ZNF609: variants seen among roughly 807,000 people sequenced by gnomAD.
ZNF609 encodes the protein zinc finger protein 609.
A neutral mutation model predicts 109.5 loss-of-function variants in ZNF609; 11 were observed. That is an observed-to-expected ratio of 0.10 (90% CI 0.06 to 0.17). ZNF609 has a LOEUF of 0.17. ZNF609 is among the 10% of genes least tolerant of loss of function. The probability of loss-of-function intolerance (pLI) is 1.00; values close to 1 mark genes in which losing one functional copy is unlikely to be tolerated. For synonymous variants in ZNF609, 646 were observed against 662.0 expected (o/e 0.98, Z 0.37); for missense variants, 1,559 against 1,772.4 (o/e 0.88, Z 2.16).
rs111519187 is a variant in ZNF609 at position 64,596,604 on chromosome 15, T to C, written c.748-26223T>C. On this transcript the variant is annotated intron_variant, in intron 2 of 9. Coordinates refer to ENST00000326648, the MANE Select transcript of ZNF609 (RefSeq NM_015042.2). ...AGATGCCATCTCTGATTACCCAAGGTAGCTCCCTTCTCATTGTTCTCTTAT... is the reference window on the plus strand; with the variant it reads ...AGATGCCATCTCTGATTACCCAAGGCAGCTCCCTTCTCATTGTTCTCTTAT... Among the ~76,000 whole-genome samples the C allele has an allele frequency of 2.8e-4, 42 of 152,302 alleles. 1 individual carries two copies. The highest frequency in any genetic ancestry group is 1.0e-3 in the African/African-American group (42 of 41,570).
At chr15:64,648,367 C>G (rs899164802) in intron 3 of ZNF609, among the ~76,000 whole-genome samples, 3 of 152,088 alleles carry the variant, frequency 2.0e-5, no homozygotes, top group African/African-American at 7.2e-5. Flanking sequence ...TGTCATACAC[C>G]TGTAGTCCCA....
At chr15:64,480,928 C>T (rs1042794618) in intron 1 of ZNF609, among the ~76,000 whole-genome samples, 28 of 152,180 alleles carry the variant, frequency 1.8e-4, no homozygotes, top group Admixed American at 5.2e-4. Flanking sequence ...AAGCTACTCC[C>T]GACAATTGGC....
At position 64,675,799 on chromosome 15, in the gene ZNF609, C is replaced by A. The variant is rs373154384; in HGVS notation, c.2945C>A (p.Pro982His). 94 of 1,614,086 alleles carry A rather than the reference C, an allele frequency of 5.8e-5. 1 individual carries two copies. In the Admixed American group the frequency reaches 8.8e-4, roughly 15 times the overall value. The change falls in exon 5 of 10, where the codon CCC (proline) becomes CAC (histidine). Residue 982 changes from proline to histidine, a missense_variant. Physicochemically the swap from Pro to His is moderately conservative, Grantham distance 77. Coordinates refer to ENST00000326648, the MANE Select transcript of ZNF609 (RefSeq NM_015042.2). Reference protein sequence around the residue: ...LYYNQYAYVPPYGYSDQSYHT... With the variant: ...LYYNQYAYVPHYGYSDQSYHT... Reference sequence around the variant, plus strand: ...TACAACCAGTATGCCTATGTACCCCCCTATGGCTACAGCGACCAGAGTTAC... The same window carrying A: ...TACAACCAGTATGCCTATGTACCCCACTATGGCTACAGCGACCAGAGTTAC...
At chr15:64,599,077 T>G (rs1031424233) in intron 2 of ZNF609, among the ~76,000 whole-genome samples, 1 of 149,666 alleles carries the variant, frequency 6.7e-6, no homozygotes, top group African/African-American at 2.4e-5. Context: ...TGAAGACCTA[T>G]CTACTTCTTT....
intron 2 of ZNF609, among the ~76,000 whole-genome samples, chr15:64,583,627 TGTGA>T (rs1895147980): frequency 6.6e-6 from 1 of 152,330 alleles, no homozygotes; most frequent in African/African-American, 2.4e-5. Context: ...TGACTGTTGC[TGTGA>T]GTGTTTCATT....
At chr15:64,648,763 AAAAAAT>A (rs1220852830) in intron 3 of ZNF609, among the ~76,000 whole-genome samples, 3 of 151,828 alleles carry the variant, frequency 2.0e-5, no homozygotes, top group Non-Finnish European at 2.9e-5. Flanking sequence ...AAAAAAAAAA[AAAAAAT>A]TAGGGAAAGC....
chr15:64,465,849 C>G (rs928664456), intron 1 of ZNF609, among the ~76,000 whole-genome samples: 5 of 151,962 alleles, frequency 3.3e-5, no homozygotes, highest in African/African-American at 1.2e-4. Context: ...GGCGCAGTGG[C>G]TCATGCCTGT....
At chr15:64,506,442 C>T (rs909639571) in intron 2 of ZNF609, among the ~76,000 whole-genome samples, 5 of 146,990 alleles carry the variant, frequency 3.4e-5, no homozygotes, top group African/African-American at 9.9e-5. Context: ...GTCTTTAGGC[C>T]GGGCGCGGTG....
At chr15:64,609,846 G>A (rs1348056832) in intron 2 of ZNF609, among the ~76,000 whole-genome samples, 1 of 148,996 alleles carries the variant, frequency 6.7e-6, no homozygotes, top group Admixed American at 6.7e-5. Context: ...TGGCTAACAC[G>A]GTAAAACCTC....
chr15:64,592,589 T>C (rs1321428499), intron 2 of ZNF609, among the ~76,000 whole-genome samples: 1 of 141,302 alleles, frequency 7.1e-6, no homozygotes, highest in Non-Finnish European at 1.5e-5. Context: ...AAAATAATAA[T>C]GGTAATAATT....
At chr15:64,620,417 C>T (rs1310304105) in intron 2 of ZNF609, among the ~76,000 whole-genome samples, 1 of 152,112 alleles carries the variant, frequency 6.6e-6, no homozygotes, top group Admixed American at 6.6e-5. Flanking sequence ...TAGGGAGGAT[C>T]CAGTTTACTT....
chr15:64,502,549 C>T (rs146083001), intron 2 of ZNF609: 1 of 152,240 alleles, frequency 6.6e-6, no homozygotes, highest in Admixed American at 6.5e-5. Context: ...AAAATTTTCT[C>T]TCTGAGAAAT....
rs539190798 is a variant in ZNF609, at chr15:64,540,689, A to T, written c.747+40523A>T. ...AAAGTGCTGGGATTACAGGTGTGAG[A>T]TACCGTGTCCGGCCACAGATAGGTT... On this transcript the variant is annotated intron_variant, in intron 2 of 9. Transcript: ENST00000326648. 3.3e-5 allele frequency among the ~76,000 whole-genome samples: 5 copies of T among 151,010 alleles called. No individual in the cohort carries two copies. The South Asian group carries it at 1.1e-3, about 32-fold the overall frequency.
At chr15:64,557,571 C>T (rs1383365312) in intron 2 of ZNF609, among the ~76,000 whole-genome samples, 2 of 152,006 alleles carry the variant, frequency 1.3e-5, no homozygotes, top group Non-Finnish European at 2.9e-5. Context: ...TATGAAGTCT[C>T]ATAAATTTGG....
At chr15:64,478,173 TG>T in intron 1 of ZNF609, among the ~76,000 whole-genome samples, 1 of 148,290 alleles carries the variant, frequency 6.7e-6, no homozygotes, top group East Asian at 1.9e-4. Flanking sequence ...TGTGTGTGTG[TG>T]TGTGTGTGTG....
intron 1 of ZNF609, among the ~76,000 whole-genome samples, chr15:64,472,593 G>A (rs908364851): frequency 1.3e-5 from 2 of 152,068 alleles, no homozygotes; most frequent in African/African-American, 4.8e-5. Flanking sequence ...AGACGGGTGC[G>A]GTGGCTCTTC....
chr15:64,594,055 C>A (rs546296932), intron 2 of ZNF609, among the ~76,000 whole-genome samples: 2 of 152,250 alleles, frequency 1.3e-5, no homozygotes, highest in Admixed American at 1.3e-4. Context: ...CATGGCTCTG[C>A]CCTCTTGAAA....
chr15:64,606,332 GA>G (rs1298833850), intron 2 of ZNF609, among the ~76,000 whole-genome samples: 16 of 151,662 alleles, frequency 1.1e-4, no homozygotes, highest in Non-Finnish European at 1.8e-4. Context: ...AGCACTTTGG[GA>G]GGCTGAGGCA....
Position 64,500,070 on chromosome 15 carries a change from T to G in ZNF609, c.651T>G (p.Ile217Met), listed in dbSNP as rs1326739626. 3 of 1,614,004 alleles carry G rather than the reference T, an allele frequency of 1.9e-6. No individual in the cohort carries two copies. The highest frequency in any genetic ancestry group is 2.5e-6 in the Non-Finnish European group (3 of 1,180,030). The change falls in exon 2 of 10, where the codon ATT becomes ATG. Residue 217 changes from isoleucine (I) to methionine (M), a missense_variant. Physicochemically the swap from Ile to Met is conservative, Grantham distance 10. This residue lies in a region of ZNF609 where 291 missense variants were observed against 317.8 expected (regional missense o/e 0.92). Transcript: ENST00000326648. ...TGGAGCCACTTGGGAGTATAGCTAT[T>G]GAGCCTGGGGCAGCGCTCAATCCTT... ...GAVEPLGSIAIEPGAALNPLG... is the reference protein window; with the variant it reads ...GAVEPLGSIAMEPGAALNPLG...
Sources: gnomAD v4.1 joint callset for allele counts (sites outside exome capture counted in the v4.1 genomes callset) on GRCh38, gnomAD v4.1.1 for gene constraint, gnomAD v4.1.1 regional missense constraint, MANE v1.5 for transcripts, NCBI Gene and HGNC (gene_info 2026-07-23, HGNC 2026-07-21) for gene names.